Variants in ZCCHC7 observed in about 807,000 individuals in gnomAD.
The protein encoded by ZCCHC7 is zinc finger CCHC domain-containing protein 7.
A neutral mutation model predicts 52.0 loss-of-function variants in ZCCHC7; 35 were observed. The ratio of observed to expected loss-of-function variants is 0.67; its 90% confidence interval spans 0.51 to 0.89. The LOEUF (loss-of-function observed/expected upper bound fraction) is 0.89. Ranked by LOEUF, ZCCHC7 falls within the 40% of genes least tolerant of loss-of-function variation. The pLI is 0.00. For synonymous variants in ZCCHC7, 217 were observed against 221.5 expected (o/e 0.98, Z 0.18); for missense variants, 574 against 649.1 (o/e 0.88, Z 1.26).
intron 2 of ZCCHC7, among the ~76,000 whole-genome samples, chr9:37,204,280 TC>T (rs1335135469): frequency 1.3e-5 from 2 of 152,254 alleles, no homozygotes; most frequent in African/African-American, 4.8e-5. Context: ...GATGATAGTT[TC>T]TTTTGCTCTG....
At chr9:37,134,687 A>T (rs995793401) in intron 2 of ZCCHC7, among the ~76,000 whole-genome samples, 1 of 152,016 alleles carries the variant, frequency 6.6e-6, no homozygotes, top group Non-Finnish European at 1.5e-5. Context: ...ATATCTTTGT[A>T]CACTCTTGCC....
At chr9:37,282,972 T>A (rs1362229599) in intron 2 of ZCCHC7, among the ~76,000 whole-genome samples, 1 of 48,662 alleles carries the variant, frequency 2.1e-5, no homozygotes, top group African/African-American at 8.2e-5. Flanking sequence ...TGGGGTGGGG[T>A]GGGATGGGGA....
chr9:37,143,589 CA>C (rs986904558), intron 2 of ZCCHC7, among the ~76,000 whole-genome samples: 2 of 151,486 alleles, frequency 1.3e-5, no homozygotes, highest in African/African-American at 4.8e-5. Flanking sequence ...ACCCCCTACC[CA>C]AAATGCCGCC....
intron 7 of ZCCHC7, among the ~76,000 whole-genome samples, chr9:37,353,483 G>A (rs1821515357): frequency 6.6e-6 from 1 of 152,166 alleles, no homozygotes; most frequent in African/African-American, 2.4e-5. Flanking sequence ...AAAAACACAT[G>A]AGAATGGCCG....
intron 2 of ZCCHC7, among the ~76,000 whole-genome samples, chr9:37,238,558 A>T (rs1016891653): frequency 2.0e-5 from 3 of 152,174 alleles, no homozygotes; most frequent in African/African-American, 7.2e-5. Flanking sequence ...GAAACTGTTT[A>T]ATAATAAATG....
chr9:37,348,014 T>C (rs1231216884), intron 6 of ZCCHC7, among the ~76,000 whole-genome samples: 2 of 152,224 alleles, frequency 1.3e-5, no homozygotes, highest in African/African-American at 4.8e-5. Context: ...TCTTCAGGGT[T>C]CCTTCCTCAG....
At chr9:37,127,933 T>G (rs1019508593) in intron 2 of ZCCHC7, among the ~76,000 whole-genome samples, 1 of 152,182 alleles carries the variant, frequency 6.6e-6, no homozygotes, top group African/African-American at 2.4e-5. Context: ...ATAATACCTA[T>G]AGAAATGGGG....
chr9:37,235,559 CTCCCTTCCCT>C (rs918971149), intron 2 of ZCCHC7, among the ~76,000 whole-genome samples: 8 of 109,874 alleles, frequency 7.3e-5, no homozygotes, highest in African/African-American at 2.0e-4. Context: ...CTCCCCTCCC[CTCCCTTCCCT>C]TCCCTTCCCT....
At chr9:37,217,605 T>C (rs1824578873) in intron 2 of ZCCHC7, among the ~76,000 whole-genome samples, 1 of 152,208 alleles carries the variant, frequency 6.6e-6, no homozygotes. Context: ...AAAATCCGTG[T>C]GATTATTGTT....
At chr9:37,133,735 C>T (rs986724712) in intron 2 of ZCCHC7, among the ~76,000 whole-genome samples, 15 of 152,054 alleles carry the variant, frequency 9.9e-5, no homozygotes, top group Non-Finnish European at 1.5e-4. Flanking sequence ...ATTACAGGCA[C>T]GAGCCACCAC....
chr9:37,324,989 A>G (rs1388622179), intron 5 of ZCCHC7, among the ~76,000 whole-genome samples: 1 of 152,216 alleles, frequency 6.6e-6, no homozygotes, highest in Non-Finnish European at 1.5e-5. Flanking sequence ...CAACAGATGC[A>G]CTAAGCCGTT....
chr9:37,217,497 T>G (rs2093675517), intron 2 of ZCCHC7, among the ~76,000 whole-genome samples: 1 of 152,144 alleles, frequency 6.6e-6, no homozygotes, highest in East Asian at 1.9e-4. Flanking sequence ...TTTTGGCACC[T>G]TATAAAGCTC....
intron 2 of ZCCHC7, among the ~76,000 whole-genome samples, chr9:37,287,934 G>GT (rs902276297): frequency 1.3e-5 from 2 of 150,510 alleles, no homozygotes; most frequent in Admixed American, 6.6e-5. Flanking sequence ...AGTTTAAATG[G>GT]TTAAAAAAAA....
At chr9:37,272,941 T>G (rs1827497516) in intron 2 of ZCCHC7, among the ~76,000 whole-genome samples, 3 of 152,218 alleles carry the variant, frequency 2.0e-5, no homozygotes, top group African/African-American at 7.2e-5. Flanking sequence ...TTTTTGGAAG[T>G]TTTTTGCAGT....
At chr9:37,133,807 T>G (rs1417828848) in intron 2 of ZCCHC7, among the ~76,000 whole-genome samples, 3 of 152,196 alleles carry the variant, frequency 2.0e-5, no homozygotes, top group Non-Finnish European at 2.9e-5. Context: ...CAGGCTGGTC[T>G]TGAACTCCTG....
intron 2 of ZCCHC7, among the ~76,000 whole-genome samples, chr9:37,142,566 T>C (rs1254087595): frequency 6.6e-6 from 1 of 151,806 alleles, no homozygotes; most frequent in Non-Finnish European, 1.5e-5. Context: ...AAATGACTTC[T>C]CAAAAAGCAA....
At chr9:37,318,997 C>T (rs1000381796) in intron 5 of ZCCHC7, among the ~76,000 whole-genome samples, 2 of 149,870 alleles carry the variant, frequency 1.3e-5, no homozygotes, top group Admixed American at 6.6e-5. Context: ...CTTGTTATGT[C>T]AGGAATTATA....
chr9:37,142,311 G>A (rs1485688701), intron 2 of ZCCHC7, among the ~76,000 whole-genome samples: 2 of 151,542 alleles, frequency 1.3e-5, no homozygotes, highest in East Asian at 3.9e-4. Context: ...GTACCTCATG[G>A]TTGTGAGGTG....
At chr9:37,327,886 T>C (rs1281757553) in intron 6 of ZCCHC7, 52 bp downstream of exon 6, 1 of 1,576,648 alleles carries the variant, frequency 6.3e-7, no homozygotes, top group African/African-American at 1.4e-5. Context: ...TATTTACCCT[T>C]CTCTGAACTG....
Sources: allele counts gnomAD v4.1 joint callset (sites outside exome capture counted in the v4.1 genomes callset), GRCh38; gene constraint gnomAD v4.1.1; transcripts MANE v1.5; gene names NCBI Gene and HGNC (gene_info 2026-07-23, HGNC 2026-07-21).